Variants in MYO16 observed in about 807,000 individuals in gnomAD.
MYO16 encodes myosin XVI, also known as unconventional myosin-XVI.
In MYO16, 94 loss-of-function variants were observed where a neutral mutation model predicts 205.3. The ratio of observed to expected loss-of-function variants is 0.46; its 90% CI spans 0.39 to 0.54. The LOEUF is 0.54. Among genes scored for constraint, MYO16 ranks in the 20% least tolerant of loss-of-function variants. The pLI, the probability that MYO16 is intolerant of heterozygous loss-of-function variation, is 0.00. For synonymous variants in MYO16, 988 were observed against 954.0 expected (o/e 1.04, Z -0.66); for missense variants, 2,315 against 2,387.5 (o/e 0.97, Z 0.63).
intron 6 of MYO16, among the ~76,000 whole-genome samples, chr13:108,804,515 G>A (rs997069278): frequency 1.3e-5 from 2 of 152,082 alleles, no homozygotes; most frequent in Admixed American, 6.6e-5. Flanking sequence ...TGTTGTTGTT[G>A]TTGTTGTTTT....
intron 32 of MYO16, among the ~76,000 whole-genome samples, chr13:109,160,248 G>A (rs770470367): frequency 1.6e-4 from 25 of 152,178 alleles, no homozygotes; most frequent in Non-Finnish European, 3.1e-4. Flanking sequence ...TTGACTGGGA[G>A]TGATATTTCA....
rs1880627639 is a variant in MYO16 at position 109,207,002 on chromosome 13, G to A, written c.*166G>A. 16 of 320,732 alleles carry A rather than the reference G, an allele frequency of 5.0e-5. No homozygotes were observed. The South Asian group carries it at 5.5e-4, about 11-fold the overall frequency. The allele number at this position is 320,732 out of a possible 1,614,324, so 19.9% of individuals were successfully genotyped here. ...TATGAGATCCCGTGTGTGTGTGTGT[G>A]TGTTTGTGTGTGTGTGTGTGGGTTC... On this transcript the variant is annotated 3_prime_UTR_variant, in exon 35 of 35. Transcript: ENST00000457511.
chr13:109,063,902 A>G (rs1279433021), intron 27 of MYO16, among the ~76,000 whole-genome samples: 1 of 152,196 alleles, frequency 6.6e-6, no homozygotes, highest in African/African-American at 2.4e-5. Flanking sequence ...CTGCTATTCA[A>G]GGTTCACTCA....
At chr13:108,814,227 C>T (rs1255690120) in intron 7 of MYO16, among the ~76,000 whole-genome samples, 1 of 152,114 alleles carries the variant, frequency 6.6e-6, no homozygotes, top group African/African-American at 2.4e-5. Flanking sequence ...AATTATTAGA[C>T]TCTCTGATAC....
At chr13:108,839,987 T>G (rs1877151025) in intron 9 of MYO16, among the ~76,000 whole-genome samples, 2 of 152,212 alleles carry the variant, frequency 1.3e-5, no homozygotes, top group African/African-American at 4.8e-5. Flanking sequence ...GCTAATCTCT[T>G]TATGTGCATT....
Position 109,046,960 on chromosome 13 carries a change from C to A in MYO16, c.2841C>A (p.Ser947=). 1.2e-6 allele frequency: 2 copies of A among 1,611,858 alleles called. No homozygotes were observed. Among genetic ancestry groups the A allele is most frequent in the Non-Finnish European group, 1.7e-6 (2 of 1,178,186 alleles). The change falls in exon 24 of 35, where the codon TCC becomes TCA. Residue 947 remains serine (S), a synonymous_variant. Transcript: ENST00000457511. ...GGGCGATTGAAAAAAATAAAGACTC[C>A]CTTTCACAGAATCTTCTATTTGTAA... ...VVGAIEKNKD[S]LSQNLLFVMK... is the part of the protein sequence containing the mutation.
At position 109,083,156 on chromosome 13, in the gene MYO16, G is replaced by T. The variant is rs1057152794; in HGVS notation, c.3336-17629G>T. 2.6e-5 allele frequency among the ~76,000 whole-genome samples: 4 copies of T among 152,180 alleles called. No individual in the cohort carries two copies. The East Asian group carries it at 7.8e-4, about 30-fold the overall frequency. On this transcript the variant is annotated intron_variant, in intron 27 of 34. Coordinates refer to ENST00000457511, the MANE Select transcript of MYO16 (RefSeq NM_001198950.3). ...CCAGCCCTTTGGGAGGCTGAGGCAG[G>T]TGGATCACTGGAAGTCAGGAGTTTG...
chr13:108,971,322 C>G (rs563152270), intron 20 of MYO16, among the ~76,000 whole-genome samples: 1 of 145,900 alleles, frequency 6.9e-6, no homozygotes, highest in East Asian at 2.0e-4. Context: ...AACATCAGTT[C>G]TGAATAAAAT....
intron 4 of MYO16, among the ~76,000 whole-genome samples, chr13:108,733,267 C>A (rs1404511674): frequency 6.6e-6 from 1 of 152,168 alleles, no homozygotes; most frequent in Non-Finnish European, 1.5e-5. Flanking sequence ...CAGATACTAA[C>A]AATTAACTTT....
chr13:109,146,266 G>A (rs1198622101), intron 32 of MYO16, among the ~76,000 whole-genome samples: 2 of 152,158 alleles, frequency 1.3e-5, no homozygotes, highest in African/African-American at 4.8e-5. Flanking sequence ...TTATGAGTTT[G>A]GAGTGAGAGT....
At chr13:108,582,794 G>A in the MYO16 span, among the ~76,000 whole-genome samples, 1 of 152,158 alleles carries the variant, frequency 6.6e-6, no homozygotes, top group African/African-American at 2.4e-5. Context: ...CAGTTAGGAA[G>A]TGTTAAGGCA....
intron 15 of MYO16, among the ~76,000 whole-genome samples, chr13:108,900,358 A>G (rs887909677): frequency 6.6e-6 from 1 of 152,198 alleles, no homozygotes; most frequent in Non-Finnish European, 1.5e-5. Context: ...TTGTCCAGGC[A>G]GCATTGAGAC....
chr13:108,883,072 A>G lies in MYO16; in HGVS notation c.1439A>G (p.Tyr480Cys). 6.2e-7 allele frequency: 1 copy of G among 1,613,860 alleles called. No homozygotes were observed. The change falls in exon 13 of 35, where the codon TAT (tyrosine) becomes TGT (cysteine). Residue 480 changes from tyrosine (Y) to cysteine (C), a missense_variant. Physicochemically the swap from Tyr to Cys is radical, Grantham distance 194. Around this residue, in one of 3 missense-constraint regions of MYO16, gnomAD observed 1,213 missense variants for 1,274.4 expected, o/e 0.95. Coordinates refer to ENST00000457511, the MANE Select transcript of MYO16 (RefSeq NM_001198950.3). ...PIYSSMVSQL[Y>C]FSSSGKLCSS... ...CCTGTTTTCCAGGTGTCCCAGCTGT[A>G]TTTCAGCTCCTCAGGGAAGCTGTGT...
intron 20 of MYO16, among the ~76,000 whole-genome samples, chr13:108,986,302 A>C (rs546821622): frequency 6.6e-6 from 1 of 152,236 alleles, no homozygotes; most frequent in South Asian, 2.1e-4. Context: ...AGTTCAGTAT[A>C]TTTTTATACA....
intron 10 of MYO16, among the ~76,000 whole-genome samples, chr13:108,854,235 G>A (rs962514890): frequency 6.6e-6 from 1 of 152,050 alleles, no homozygotes; most frequent in South Asian, 2.1e-4. Flanking sequence ...GACCTCAAGT[G>A]ATCCACCCAC....
At chr13:109,023,249 TA>T (rs1373965747) in intron 23 of MYO16, among the ~76,000 whole-genome samples, 4 of 107,140 alleles carry the variant, frequency 3.7e-5, no homozygotes, top group African/African-American at 1.5e-4. Flanking sequence ...TAAATATATA[TA>T]TTTATATATT....
intron 3 of MYO16, among the ~76,000 whole-genome samples, chr13:108,718,668 A>G (rs895543066): frequency 5.9e-5 from 9 of 152,048 alleles, no homozygotes; most frequent in Non-Finnish European, 8.8e-5. Context: ...GGGGCCACGG[A>G]CTGTGAACAA....
In MYO16 at chr13:108,674,579, G is replaced by A. The variant is rs528947145; in HGVS notation, c.292+8430G>A. On this transcript the variant is annotated intron_variant, in intron 2 of 34. Transcript: ENST00000457511. ...TTTGAAAATGCGATGCTCTATAAGC[G>A]GATTTAAGCTGACACCTCGGAAATT... is the stretch of plus-strand genomic sequence containing the variant. Among the ~76,000 whole-genome samples the A allele has an allele frequency of 9.7e-4, 148 of 152,264 alleles. 1 individual carries two copies. Among genetic ancestry groups the A allele is most frequent in the South Asian group, 3.7e-3 (18 of 4,820 alleles).
intron 1 of MYO16, among the ~76,000 whole-genome samples, chr13:108,610,028 G>A (rs1371301046): frequency 3.3e-5 from 5 of 152,028 alleles, no homozygotes; most frequent in Non-Finnish European, 5.9e-5. Context: ...AATTATTTAG[G>A]AACAAACAGA....
Sources: allele counts gnomAD v4.1 joint callset (sites outside exome capture counted in the v4.1 genomes callset), GRCh38; gene constraint gnomAD v4.1.1; regional missense constraint gnomAD v4.1.1; transcripts MANE v1.5; gene names NCBI Gene and HGNC (gene_info 2026-07-23, HGNC 2026-07-21).